The following EVA1C variants were observed in gnomAD, a reference collection of about 807,000 sequenced individuals.
EVA1C encodes eva-1 homolog C.
In EVA1C, 25 loss-of-function variants were observed where a neutral mutation model predicts 45.4. That is an observed-to-expected ratio of 0.55 (90% CI 0.40 to 0.77). EVA1C has a LOEUF of 0.77. Among genes scored for constraint, EVA1C ranks in the 30% least tolerant of loss-of-function variants. EVA1C has a pLI of 0.00. For missense variants in EVA1C, 479 were observed against 554.8 expected, an observed-to-expected ratio of 0.86 and a Z score of 1.37; for synonymous variants, 190 against 221.2, an observed-to-expected ratio of 0.86 and a Z score of 1.25.
At chr21:32,465,101 C>T (rs2036127695) in intron 3 of EVA1C, among the ~76,000 whole-genome samples, 1 of 152,212 alleles carries the variant, frequency 6.6e-6, no homozygotes, top group Non-Finnish European at 1.5e-5. Flanking sequence ...AGTGTTTATA[C>T]TTTCTTCATG....
chr21:32,500,792 T>C (rs974700202), intron 5 of EVA1C, among the ~76,000 whole-genome samples: 2 of 152,076 alleles, frequency 1.3e-5, no homozygotes, highest in East Asian at 1.9e-4. Context: ...ATCCATGTTG[T>C]AGCATGTATC....
chr21:32,479,064 A>G (rs1465601859), intron 4 of EVA1C, among the ~76,000 whole-genome samples: 1 of 152,274 alleles, frequency 6.6e-6, no homozygotes, highest in Non-Finnish European at 1.5e-5. Flanking sequence ...CAAAAAGTAA[A>G]AATGTAAATG....
At chr21:32,448,965 GAAAA>G (rs377103000) in intron 1 of EVA1C, among the ~76,000 whole-genome samples, 4 of 100,402 alleles carry the variant, frequency 4.0e-5, no homozygotes, top group Non-Finnish European at 7.7e-5. Flanking sequence ...AAAAGAGAAA[GAAAA>G]AGAAAGAAAG....
intron 1 of EVA1C, among the ~76,000 whole-genome samples, chr21:32,440,061 C>T (rs1198405472): frequency 5.3e-5 from 8 of 151,994 alleles, no homozygotes; most frequent in Non-Finnish European, 1.2e-4. Flanking sequence ...CGGTGCCCTT[C>T]CACCCTCCTG....
At position 32,452,329 on chromosome 21, in the gene EVA1C, T is replaced by C. The variant is rs1415917022; in HGVS notation, c.161-983T>C. ...ACCCAGACATTGAAACAGGAGGAGT[T>C]CCCTTATCCCCCCTTGCAGGGCACG... is the stretch of plus-strand genomic sequence containing the variant. On this transcript the variant is annotated intron_variant, in intron 1 of 7. Transcript: ENST00000300255. This position sits in a 1 kb window ranked among gnomAD's most constrained non-coding sequence, Gnocchi z 4.0. 1 of 152,264 alleles carries C rather than the reference T, an allele frequency of 6.6e-6. No homozygotes were observed. The highest frequency in any genetic ancestry group is 2.4e-5 in the African/African-American group (1 of 41,440). 9.4% of individuals were successfully genotyped at this position (152,264 alleles called of 1,614,324 possible).
intron 5 of EVA1C, among the ~76,000 whole-genome samples, chr21:32,498,037 C>G (rs2037408116): frequency 6.6e-6 from 1 of 152,164 alleles, no homozygotes; most frequent in Non-Finnish European, 1.5e-5. Flanking sequence ...TGAAGGTGAG[C>G]TTTCAGGGCC....
chr21:32,434,660 G>A (rs2034865240), intron 1 of EVA1C, among the ~76,000 whole-genome samples: 1 of 151,836 alleles, frequency 6.6e-6, no homozygotes, highest in African/African-American at 2.4e-5. Flanking sequence ...ATATAGATAT[G>A]GAAAGGGGAA....
chr21:32,481,430 T>G (rs2036781485), intron 4 of EVA1C, among the ~76,000 whole-genome samples: 2 of 146,706 alleles, frequency 1.4e-5, no homozygotes, highest in Non-Finnish European at 3.0e-5. Flanking sequence ...CTGGTAAATG[T>G]GCTCAGCTCA....
At chr21:32,413,331 C>T (rs573775679) in intron 1 of EVA1C, among the ~76,000 whole-genome samples, 1 of 152,304 alleles carries the variant, frequency 6.6e-6, no homozygotes, top group African/African-American at 2.4e-5. Context: ...TAAACTGAGC[C>T]CTGTGCCGCG....
chr21:32,491,009 A>C (rs1177708080), intron 4 of EVA1C, among the ~76,000 whole-genome samples: 1 of 152,230 alleles, frequency 6.6e-6, no homozygotes, highest in Non-Finnish European at 1.5e-5. Context: ...CTCCCTGTCT[A>C]GTCTGGATAG....
intron 4 of EVA1C, among the ~76,000 whole-genome samples, chr21:32,472,636 T>G (rs1246963345): frequency 1.3e-5 from 2 of 151,066 alleles, no homozygotes; most frequent in South Asian, 4.3e-4. Context: ...ACCCTGTCTC[T>G]TAAAAGAAAA....
At chr21:32,490,494 G>A (rs536410374) in intron 4 of EVA1C, among the ~76,000 whole-genome samples, 22 of 152,264 alleles carry the variant, frequency 1.4e-4, no homozygotes, top group African/African-American at 5.3e-4. Flanking sequence ...GGAGGGCAAA[G>A]GGGAGAGAAC....
upstream of EVA1C, chr21:32,411,970 A>G (rs2033839516): frequency 6.6e-6 from 1 of 152,328 alleles, no homozygotes; most frequent in Non-Finnish European, 1.5e-5. Context: ...ACTTTAAAAC[A>G]AAGCCCAATT....
chr21:32,453,625 G>GA (rs2035670483), intron 2 of EVA1C, 117 bp downstream of exon 2: 4 of 742,900 alleles, frequency 5.4e-6, no homozygotes, highest in Middle Eastern at 4.2e-4. Flanking sequence ...ACTGATCCAT[G>GA]AAAAATCCCA....
intron 2 of EVA1C, among the ~76,000 whole-genome samples, chr21:32,456,271 A>G (rs2035780200): frequency 6.6e-6 from 1 of 152,214 alleles, no homozygotes; most frequent in South Asian, 2.1e-4. Context: ...ATGGGGAGAC[A>G]TCCACACAGG....
At chr21:32,414,148 A>G (rs1395082703) in intron 1 of EVA1C, among the ~76,000 whole-genome samples, 1 of 152,242 alleles carries the variant, frequency 6.6e-6, no homozygotes, top group African/African-American at 2.4e-5. Context: ...TGCTTTGAAT[A>G]TGTAATATCA....
At chr21:32,514,123 A>G (rs2038059564) in intron 7 of EVA1C, among the ~76,000 whole-genome samples, 1 of 152,200 alleles carries the variant, frequency 6.6e-6, no homozygotes, top group African/African-American at 2.4e-5. Flanking sequence ...GCCATTTCAT[A>G]TAAGTGACTC....
chr21:32,414,449 GTTTGTGACA>G (rs2146087068), intron 1 of EVA1C, among the ~76,000 whole-genome samples: 1 of 152,286 alleles, frequency 6.6e-6, no homozygotes, highest in Non-Finnish European at 1.5e-5. Context: ...GCCTTTTTGT[GTTTGTGACA>G]TCATTGCAAC....
chr21:32,473,574 C>T (rs1417622404), intron 4 of EVA1C, among the ~76,000 whole-genome samples: 3 of 152,232 alleles, frequency 2.0e-5, no homozygotes, highest in Admixed American at 6.5e-5. Flanking sequence ...AGTCCCAGGG[C>T]GGTCCCATGG....
Sources: allele counts gnomAD v4.1 joint callset (sites outside exome capture counted in the v4.1 genomes callset), GRCh38; gene constraint gnomAD v4.1.1; non-coding constraint Gnocchi (gnomAD v3.1); transcripts MANE v1.5; gene names NCBI Gene and HGNC (gene_info 2026-07-23, HGNC 2026-07-21).